Variants in SNCAIP observed in about 807,000 individuals in gnomAD.
SNCAIP encodes synuclein alpha interacting protein.
SNCAIP carries 43 observed loss-of-function variants against 86.7 expected under a neutral mutation model. The ratio of observed to expected loss-of-function variants is 0.50; its 90% CI spans 0.39 to 0.64. The LOEUF (loss-of-function observed/expected upper bound fraction) is 0.64. Ranked by LOEUF, SNCAIP falls within the 30% of genes least tolerant of loss-of-function variation. The pLI is 0.00. For synonymous variants in SNCAIP, 417 were observed against 427.2 expected, an observed-to-expected ratio of 0.98 and a Z score of 0.29; for missense variants, 981 against 1,103.1, an observed-to-expected ratio of 0.89 and a Z score of 1.57.
intron 1 of SNCAIP, among the ~76,000 whole-genome samples, chr5:122,318,593 T>C (rs1286261109): frequency 6.6e-6 from 1 of 152,250 alleles, no homozygotes; most frequent in Non-Finnish European, 1.5e-5. Context: ...AGGTATATTC[T>C]ATTTCCTTTA....
intron 1 of SNCAIP, among the ~76,000 whole-genome samples, chr5:122,356,439 A>G (rs930648205): frequency 2.0e-5 from 3 of 152,148 alleles, no homozygotes; most frequent in Non-Finnish European, 4.4e-5. Flanking sequence ...TTAAAGGATC[A>G]TTACTCAGTT....
chr5:122,409,676 C>T (rs1402546927), intron 3 of SNCAIP, among the ~76,000 whole-genome samples: 1 of 152,044 alleles, frequency 6.6e-6, no homozygotes, highest in African/African-American at 2.4e-5. Context: ...ATTTTTGAAC[C>T]CTGTGCATGC....
At chr5:122,392,161 T>G (rs1769512393) in intron 2 of SNCAIP, among the ~76,000 whole-genome samples, 1 of 152,168 alleles carries the variant, frequency 6.6e-6, no homozygotes, top group Admixed American at 6.5e-5. Context: ...CTCCTTACCT[T>G]GAAGTAAAAT....
At chr5:122,326,639 T>TTTTC (rs1561514884) in intron 1 of SNCAIP, among the ~76,000 whole-genome samples, 1 of 107,836 alleles carries the variant, frequency 9.3e-6, no homozygotes, top group Non-Finnish European at 1.8e-5. Context: ...TTTTTTTTTT[T>TTTTC]ACAATTAAGT....
At chr5:122,455,842 CTA>C (rs1246630399) in intron 10 of SNCAIP, among the ~76,000 whole-genome samples, 29 of 152,280 alleles carry the variant, frequency 1.9e-4, no homozygotes, top group African/African-American at 7.0e-4. Flanking sequence ...AGATTCAACT[CTA>C]TTCCTTTGAG....
At chr5:122,436,802 C>T (rs1779588594) in intron 6 of SNCAIP, 1 of 152,170 alleles carries the variant, frequency 6.6e-6, no homozygotes, top group African/African-American at 2.4e-5. Flanking sequence ...TCATAAATCA[C>T]ATGAGATAAT....
intron 1 of SNCAIP, among the ~76,000 whole-genome samples, chr5:122,332,315 C>T (rs540780038): frequency 1.3e-5 from 2 of 152,244 alleles, no homozygotes; most frequent in African/African-American, 2.4e-5. Flanking sequence ...CTTCTATTTA[C>T]ACATGGTGGA....
intron 1 of SNCAIP, among the ~76,000 whole-genome samples, chr5:122,332,938 T>C (rs1347859953): frequency 6.6e-6 from 1 of 152,208 alleles, no homozygotes; most frequent in Non-Finnish European, 1.5e-5. Context: ...AGATGCTAAA[T>C]AGTATTTGGT....
intron 1 of SNCAIP, among the ~76,000 whole-genome samples, chr5:122,324,121 C>A (rs766308719): frequency 6.6e-6 from 1 of 152,122 alleles, no homozygotes; most frequent in Non-Finnish European, 1.5e-5. Context: ...TCTATTTGAT[C>A]TATTTGAGGC....
intron 1 of SNCAIP, among the ~76,000 whole-genome samples, chr5:122,362,965 A>G: frequency 6.6e-6 from 1 of 150,802 alleles, no homozygotes; most frequent in Non-Finnish European, 1.5e-5. Context: ...CATTAGATTG[A>G]GTTTCCAGGT....
intron 3 of SNCAIP, among the ~76,000 whole-genome samples, chr5:122,422,420 A>G (rs1277935206): frequency 6.6e-6 from 1 of 152,102 alleles, no homozygotes. Flanking sequence ...TTAGGGGTGT[A>G]TGTGGACATG....
At chr5:122,383,908 G>T (rs1308429188) in intron 1 of SNCAIP, among the ~76,000 whole-genome samples, 1 of 152,160 alleles carries the variant, frequency 6.6e-6, no homozygotes, top group African/African-American at 2.4e-5. Context: ...AAACCAACTG[G>T]CTATGGAATA....
intron 6 of SNCAIP, among the ~76,000 whole-genome samples, chr5:122,436,212 A>T (rs304378): frequency 0.36 from 54,198 of 149,938 alleles, 9,777 homozygotes; most frequent in African/African-American, 0.39. Context: ...TTTTTTTTTT[A>T]AAAAGAGAGA....
At chr5:122,326,758 C>G (rs1166373794) in intron 1 of SNCAIP, among the ~76,000 whole-genome samples, 2 of 151,546 alleles carry the variant, frequency 1.3e-5, no homozygotes, top group Admixed American at 6.6e-5. Context: ...AAACAAATAT[C>G]TTGTTGCCAG....
rs976711390 is a variant in SNCAIP, at chr5:122,423,079, C to G, written c.342C>G (p.Gly114=). ...EYQKGGESDL[G]PQPQELGPGD... ...AGAAAGGGGGTGAGTCTGACCTGGG[C>G]CCCCAGCCTCAGGAGCTTGGCCCTG... The change falls in exon 4 of 11, where the codon GGC becomes GGG. Residue 114 remains glycine (G), a synonymous_variant. Transcript: ENST00000261368. 9.9e-6 allele frequency: 16 copies of G among 1,613,850 alleles called. No individual in the cohort carries two copies. The highest frequency in any genetic ancestry group is 1.3e-5 in the Non-Finnish European group (15 of 1,179,926).
chr5:122,341,233 C>G (rs1354975174), intron 1 of SNCAIP, among the ~76,000 whole-genome samples: 1 of 152,172 alleles, frequency 6.6e-6, no homozygotes, highest in African/African-American at 2.4e-5. Context: ...ACAGAGCTTA[C>G]AGGTTGAACA....
chr5:122,458,365 C>G lies in SNCAIP; in HGVS notation c.2755-5126C>G, dbSNP rs78218241. Among the ~76,000 whole-genome samples, 261 of 152,114 alleles carry G rather than the reference C, an allele frequency of 1.7e-3. 1 individual carries two copies. The highest frequency in any genetic ancestry group is 5.4e-3 in the African/African-American group (223 of 41,502). The stretch of plus-strand genomic sequence containing the variant: ...CACTTCTCCACCCCCACCCTCCTTT[C>G]CTTATTCCCCAGAGATCCAGTTTTG... On this transcript the variant is annotated intron_variant, in intron 10 of 10. Transcript: ENST00000261368.
intron 1 of SNCAIP, among the ~76,000 whole-genome samples, chr5:122,347,134 C>T (rs912651319): frequency 2.0e-5 from 3 of 152,140 alleles, no homozygotes; most frequent in Non-Finnish European, 4.4e-5. Flanking sequence ...GAACAAAAAA[C>T]ATGTGCTTCA....
chr5:122,341,285 T>C (rs996769529), intron 1 of SNCAIP, among the ~76,000 whole-genome samples: 1 of 152,214 alleles, frequency 6.6e-6, no homozygotes, highest in Non-Finnish European at 1.5e-5. Context: ...GAAACTTAAG[T>C]TGTTTTCAGA....
Sources: allele counts gnomAD v4.1 joint callset (sites outside exome capture counted in the v4.1 genomes callset), GRCh38; gene constraint gnomAD v4.1.1; transcripts MANE v1.5; gene names NCBI Gene and HGNC (gene_info 2026-07-23, HGNC 2026-07-21).